Variants in ANO2 observed in about 807,000 individuals in gnomAD.
ANO2 encodes the protein anoctamin-2.
ANO2 carries 101 observed loss-of-function variants against 124.2 expected under a neutral mutation model. The ratio of observed to expected loss-of-function variants is 0.81; its 90% CI spans 0.69 to 0.96. The LOEUF is 0.96. ANO2 is among the 40% of genes least tolerant of loss of function. The probability of loss-of-function intolerance (pLI) is 0.00; values close to 1 mark genes in which losing one functional copy is unlikely to be tolerated. For missense variants in ANO2, 1,293 were observed against 1,274.5 expected (o/e 1.01, Z -0.22); for synonymous variants, 486 against 482.5 (o/e 1.01, Z -0.09).
intron 3 of ANO2, among the ~76,000 whole-genome samples, chr12:5,869,264 C>T (rs1241162429): frequency 2.0e-5 from 3 of 152,096 alleles, no homozygotes; most frequent in Non-Finnish European, 2.9e-5. Flanking sequence ...ACTTCCACAG[C>T]GAGCCCTACC....
intron 4 of ANO2, among the ~76,000 whole-genome samples, chr12:5,838,361 G>T (rs901465510): frequency 2.0e-5 from 3 of 152,148 alleles, no homozygotes; most frequent in African/African-American, 7.2e-5. Context: ...CAACTGCATA[G>T]CCCTGAACAA....
chr12:5,908,418 T>A lies in ANO2; in HGVS notation c.534+12622A>T, dbSNP rs1313694338. 6.6e-6 allele frequency among the ~76,000 whole-genome samples: 1 copy of A among 152,188 alleles called. No individual in the cohort carries two copies. Among genetic ancestry groups the A allele is most frequent in the African/African-American group, 2.4e-5 (1 of 41,446 alleles). On this transcript the variant is annotated intron_variant, in intron 3 of 24. Transcript: ENST00000682330. The surrounding 1 kb of genome is among the most constrained non-coding windows in gnomAD (Gnocchi z 4.7). ...CCTGAGTGGAAACTCAACAAGGCAG[T>A]AATACGAACACCAGCAGTCACCCTA...
chr12:5,793,236 AG>A (rs1474055104), intron 10 of ANO2, among the ~76,000 whole-genome samples: 1 of 152,184 alleles, frequency 6.6e-6, no homozygotes, highest in African/African-American at 2.4e-5. Context: ...CCTATGGGCT[AG>A]ATATGCCCAA....
rs145591924 is a variant in ANO2, at chr12:5,714,078, C to T, written c.1545+18442G>A. Among the ~76,000 whole-genome samples the T allele has an allele frequency of 9.9e-3, 1,507 of 152,360 alleles. 21 individuals are homozygous for T. Among genetic ancestry groups the T allele is most frequent in the Middle Eastern group, 0.017 (5 of 294 alleles). ...CTTCTCCTCGGCCTGCCTATATTCT[C>T]TTACACTGCCAATTGTCTAAAGTTC... On this transcript the variant is annotated intron_variant, in intron 14 of 24. Coordinates refer to ENST00000682330, the MANE Select transcript of ANO2 (RefSeq NM_001364791.2).
intron 15 of ANO2, among the ~76,000 whole-genome samples, chr12:5,644,403 A>C (rs563618803): frequency 3.9e-5 from 6 of 152,186 alleles, no homozygotes; most frequent in Non-Finnish European, 8.8e-5. Context: ...GTAGTTTTAT[A>C]ATTAGAGTAA....
chr12:5,940,849 C>T (rs1332191423), intron 1 of ANO2, among the ~76,000 whole-genome samples: 1 of 152,156 alleles, frequency 6.6e-6, no homozygotes, highest in Non-Finnish European at 1.5e-5. Context: ...CTAGGACACA[C>T]AAATGCCCAT....
chr12:5,939,952 T>C (rs1942827970), intron 1 of ANO2, among the ~76,000 whole-genome samples: 1 of 152,220 alleles, frequency 6.6e-6, no homozygotes, highest in Admixed American at 6.5e-5. Flanking sequence ...TTATATTGTG[T>C]TAAAGTTATA....
In ANO2 at chr12:5,870,942, T is replaced by A. The variant is rs139548331; in HGVS notation, c.535-16801A>T. Among the ~76,000 whole-genome samples the A allele has an allele frequency of 3.3e-5, 5 of 152,358 alleles. No individual in the cohort carries two copies. In the East Asian group the frequency reaches 9.6e-4, roughly 29 times the overall value. On this transcript the variant is annotated intron_variant, in intron 3 of 24. Coordinates refer to ENST00000682330, the MANE Select transcript of ANO2 (RefSeq NM_001364791.2). Reference sequence around the variant, plus strand: ...TTTATATTCAATAGCATATTTACTATGATCGTTTTCTGGAAGATGGCAAAG... The same window carrying A: ...TTTATATTCAATAGCATATTTACTAAGATCGTTTTCTGGAAGATGGCAAAG...
chr12:5,939,257 C>T (rs551217749), intron 1 of ANO2, among the ~76,000 whole-genome samples: 4 of 145,236 alleles, frequency 2.8e-5, no homozygotes, highest in South Asian at 4.5e-4. Flanking sequence ...CTCAAGAACA[C>T]TTGATTCAAC....
intron 4 of ANO2, among the ~76,000 whole-genome samples, chr12:5,833,880 G>A (rs1057011668): frequency 1.4e-4 from 21 of 152,100 alleles, no homozygotes; most frequent in African/African-American, 4.8e-4. Flanking sequence ...TGCCAAAAAG[G>A]TTGGGGACCA....
intron 1 of ANO2, among the ~76,000 whole-genome samples, chr12:5,931,397 C>G (rs12368063): frequency 0.21 from 31,961 of 151,608 alleles, 3,700 homozygotes; most frequent in South Asian, 0.32. Context: ...TAACTTCCCA[C>G]GTATTGTATA....
At chr12:5,837,497 T>C (rs1420596616) in intron 4 of ANO2, among the ~76,000 whole-genome samples, 1 of 99,652 alleles carries the variant, frequency 1.0e-5, no homozygotes, top group Admixed American at 1.5e-4. Flanking sequence ...CCCACAACAG[T>C]CCCCAGAGTG....
intron 7 of ANO2, among the ~76,000 whole-genome samples, chr12:5,815,386 A>C (rs1953574278): frequency 6.6e-6 from 1 of 152,254 alleles, no homozygotes. Flanking sequence ...ATAATTCTTG[A>C]GAGAACATGA....
chr12:5,802,499 T>C (rs1014196901), intron 9 of ANO2, among the ~76,000 whole-genome samples: 2 of 152,166 alleles, frequency 1.3e-5, no homozygotes, highest in Non-Finnish European at 2.9e-5. Flanking sequence ...GAGAGTGCTG[T>C]AGACCCTTCC....
chr12:5,758,607 C>T (rs947266963), intron 10 of ANO2, among the ~76,000 whole-genome samples: 1 of 152,144 alleles, frequency 6.6e-6, no homozygotes, highest in African/African-American at 2.4e-5. Flanking sequence ...ATTCAGCACT[C>T]CAGGGCTCAC....
At chr12:5,748,019 C>T (rs1330578846) in intron 11 of ANO2, among the ~76,000 whole-genome samples, 4 of 150,246 alleles carry the variant, frequency 2.7e-5, no homozygotes, top group African/African-American at 4.9e-5. Context: ...AATGTGGCTG[C>T]GTGCATCTGT....
intron 14 of ANO2, among the ~76,000 whole-genome samples, chr12:5,717,994 T>C (rs1162287222): frequency 6.6e-6 from 1 of 152,166 alleles, no homozygotes; most frequent in Non-Finnish European, 1.5e-5. Flanking sequence ...GTTTGGAGAA[T>C]CAGTAAGGAA....
At chr12:5,889,315 A>C (rs749334978) in intron 3 of ANO2, among the ~76,000 whole-genome samples, 24 of 152,228 alleles carry the variant, frequency 1.6e-4, no homozygotes, top group Non-Finnish European at 2.6e-4. Context: ...CAGCAGGCTG[A>C]AGGGCTCTTC....
chr12:5,675,041 C>T (rs7137873), intron 14 of ANO2, among the ~76,000 whole-genome samples: 68,752 of 151,734 alleles, frequency 0.45, 17,055 homozygotes, highest in Middle Eastern at 0.61. Context: ...AGGGGGGTTG[C>T]CTGTTGTGTT....
Sources: gnomAD v4.1 joint callset for allele counts (sites outside exome capture counted in the v4.1 genomes callset) on GRCh38, gnomAD v4.1.1 for gene constraint, Gnocchi (gnomAD v3.1) non-coding constraint, MANE v1.5 for transcripts, NCBI Gene and HGNC (gene_info 2026-07-23, HGNC 2026-07-21) for gene names.